Variants in PEA15 observed in about 807,000 individuals in gnomAD.
The protein encoded by PEA15 is proliferation and apoptosis adaptor protein 15.
For missense variants in PEA15, 77 were observed against 161.3 expected, an observed-to-expected ratio of 0.48 and a Z score of 2.83; for synonymous variants, 60 against 61.8, an observed-to-expected ratio of 0.97 and a Z score of 0.13.
In PEA15 at chr1:160,213,016, C is replaced by A; in HGVS notation, c.173-94C>A. 1 of 1,267,348 alleles carries A rather than the reference C, an allele frequency of 7.9e-7. No homozygotes were observed. Among genetic ancestry groups the A allele is most frequent in the Non-Finnish European group, 1.1e-6 (1 of 874,498 alleles). 78.5% of individuals were successfully genotyped at this position (1,267,348 alleles called of 1,614,324 possible). ...TGTACCCTCCCATAACCAATGTCAGCAACTCAGCTTTGGTTCCAGGTCACT... is the reference window on the plus strand; with the variant it reads ...TGTACCCTCCCATAACCAATGTCAGAAACTCAGCTTTGGTTCCAGGTCACT... On this transcript the variant is annotated intron_variant, in intron 2 of 3. Coordinates refer to ENST00000360472, the MANE Select transcript of PEA15 (RefSeq NM_003768.5). The surrounding 1 kb of genome is among the most constrained non-coding windows in gnomAD (Gnocchi z 5.3).
In PEA15 at chr1:160,205,620, GGAGTGTGGGGACCCCGGAC is replaced by G. The variant is rs1654536324; in HGVS notation, c.-3+103_-3+121del. ...ATCTGGGACACCGGGGGCCAGACGG[GGAGTGTGGGGACCCCGGAC>G]GAGTCCACTTTGTGTCAGGCCTCAC... On this transcript the variant is annotated intron_variant, in intron 1 of 3. Coordinates refer to ENST00000360472, the MANE Select transcript of PEA15 (RefSeq NM_003768.5). This position sits in a 1 kb window ranked among gnomAD's most constrained non-coding sequence, Gnocchi z 5.9. 6.5e-6 allele frequency: 1 copy of G among 152,728 alleles called. No individual in the cohort carries two copies. The highest frequency in any genetic ancestry group is 2.4e-5 in the African/African-American group (1 of 41,468). The allele number at this position is 152,728 out of a possible 1,614,324, so 9.5% of individuals were successfully genotyped here.
chr1:160,213,613 T>G lies in PEA15; in HGVS notation c.*127T>G. The G allele has an allele frequency of 1.8e-6, 1 of 570,274 alleles. No individual in the cohort carries two copies. The highest frequency in any genetic ancestry group is 1.6e-5 in the South Asian group (1 of 60,852). The allele number at this position is 570,274 out of a possible 1,614,324, so 35.3% of individuals were successfully genotyped here. On this transcript the variant is annotated 3_prime_UTR_variant, in exon 4 of 4. Transcript: ENST00000360472. The surrounding 1 kb of genome is among the most constrained non-coding windows in gnomAD (Gnocchi z 5.3). ...ACTAACCTGGTCCTAACCCCCTTAC[T>G]GTGCGCGTGTGTGTGCGTGTGCGCA... is the stretch of plus-strand genomic sequence containing the variant.
rs574194984 is a variant in PEA15, at chr1:160,211,276, A to AG, written c.-2-262dup. On this transcript the variant is annotated intron_variant, in intron 1 of 3. Coordinates refer to ENST00000360472, the MANE Select transcript of PEA15 (RefSeq NM_003768.5). ...GAACTGTTGCCAGGGTTACTGTTAG[A>AG]GGGGGAAAACAGAAGAAAAAGATGG... 4.2e-3 allele frequency: 4,759 copies of AG among 1,135,622 alleles called. 18 individuals carry two copies. Among genetic ancestry groups the AG allele is most frequent in the Non-Finnish European group, 4.7e-3 (4,307 of 925,770 alleles). 70.3% of individuals were successfully genotyped at this position (1,135,622 alleles called of 1,614,324 possible).
rs1283141235 is a variant in PEA15 at position 160,208,380 on chromosome 1, A to G, written c.-3+2858A>G. ...GGTGTGAGGAAGCGGTGAGCCTAGC[A>G]CAGAAAGCTGGGAGGGAAGAGGACT... is the stretch of plus-strand genomic sequence containing the variant. On this transcript the variant is annotated intron_variant, in intron 1 of 3. Transcript: ENST00000360472. This position sits in a 1 kb window ranked among gnomAD's most constrained non-coding sequence, Gnocchi z 4.1. The G allele has an allele frequency of 1.8e-6, 1 of 568,488 alleles. No homozygotes were observed. The highest frequency in any genetic ancestry group is 3.1e-6 in the Non-Finnish European group (1 of 317,610). The allele number at this position is 568,488 out of a possible 1,614,324, so 35.2% of individuals were successfully genotyped here. A position where few individuals can be genotyped will look rare whatever the true frequency, so the allele number is the denominator to read the frequency against.
chr1:160,212,050 T>G (rs1654894667), intron 2 of PEA15, among the ~76,000 whole-genome samples: 1 of 152,226 alleles, frequency 6.6e-6, no homozygotes, highest in Non-Finnish European at 1.5e-5. Context: ...ACTCGAAGTG[T>G]AATCTAACTG....
At chr1:160,206,973 T>C (rs1654623754) in intron 1 of PEA15, among the ~76,000 whole-genome samples, 1 of 152,210 alleles carries the variant, frequency 6.6e-6, no homozygotes, top group South Asian at 2.1e-4. Context: ...TGTGGATGTA[T>C]TATCATGCAT....
At chr1:160,209,883 T>C (rs993893101) in intron 1 of PEA15, among the ~76,000 whole-genome samples, 1 of 152,234 alleles carries the variant, frequency 6.6e-6, no homozygotes, top group African/African-American at 2.4e-5. Context: ...CAGAGACAGT[T>C]CCTGGTGCTG....
rs1267718897 is a variant in PEA15, at chr1:160,212,023, A to C, written c.172+307A>C. On this transcript the variant is annotated intron_variant, in intron 2 of 3. Coordinates refer to ENST00000360472, the MANE Select transcript of PEA15 (RefSeq NM_003768.5). ...TTCTAGACAATAAAAATGGAAGAAT[A>C]CCTGAATGAGGGGAGAACTCGAAGT... Among the ~76,000 whole-genome samples the C allele has an allele frequency of 3.3e-5, 5 of 152,378 alleles. No homozygotes were observed. The East Asian group carries it at 9.6e-4, about 29-fold the overall frequency.
chr1:160,210,315 A>G (rs148083111), intron 1 of PEA15, among the ~76,000 whole-genome samples: 2 of 152,376 alleles, frequency 1.3e-5, no homozygotes, highest in African/African-American at 4.8e-5. Context: ...GTCTAGTCGC[A>G]TACAGAGTGT....
intron 1 of PEA15, among the ~76,000 whole-genome samples, chr1:160,210,479 TTCTG>T (rs1460623266): frequency 1.3e-5 from 2 of 152,254 alleles, no homozygotes; most frequent in African/African-American, 4.8e-5. Flanking sequence ...ACCTTCTTTC[TTCTG>T]TCTTAGCCAC....
rs1166443061 is a variant in PEA15 at position 160,213,040 on chromosome 1, C to T, written c.173-70C>T. ...GCAACTCAGCTTTGGTTCCAGGTCA[C>T]TAGTCTGGTGGAGTAGGGGAAGCTG... On this transcript the variant is annotated intron_variant, in intron 2 of 3. Transcript: ENST00000360472. The surrounding 1 kb of genome is among the most constrained non-coding windows in gnomAD (Gnocchi z 5.3). 6.5e-7 allele frequency: 1 copy of T among 1,536,996 alleles called. No individual in the cohort carries two copies. The highest frequency in any genetic ancestry group is 9.0e-7 in the Non-Finnish European group (1 of 1,113,112).
intron 2 of PEA15, among the ~76,000 whole-genome samples, chr1:160,211,971 A>G (rs1429983395): frequency 6.6e-6 from 1 of 152,230 alleles, no homozygotes; most frequent in Non-Finnish European, 1.5e-5. Flanking sequence ...AAATAGTAAA[A>G]TTTTAAGTGG....
rs780369084 is a variant in PEA15 at position 160,213,440 on chromosome 1, C to G, written c.347C>G (p.Ser116Cys). 3 of 1,614,170 alleles carry G rather than the reference C, an allele frequency of 1.9e-6. No homozygotes were observed. The highest frequency in any genetic ancestry group is 1.7e-6 in the Non-Finnish European group (2 of 1,180,040). Residue 116 changes from serine (S) to cysteine (C), a missense_variant, in exon 4 of 4, where the codon TCT becomes TGT. Transcript: ENST00000360472. The surrounding 1 kb of genome is among the most constrained non-coding windows in gnomAD (Gnocchi z 5.3). ...KKYKDIIRQP[S>C]EEEIIKLAPP... Reference sequence around the variant, plus strand: ...CCCCCAGACATTATCCGGCAGCCCTCTGAGGAAGAGATCATCAAATTGGCT... The same window carrying G: ...CCCCCAGACATTATCCGGCAGCCCTGTGAGGAAGAGATCATCAAATTGGCT...
At position 160,214,343 on chromosome 1, in the gene PEA15, C is replaced by T. The variant is rs1655013780; in HGVS notation, c.*857C>T. On this transcript the variant is annotated 3_prime_UTR_variant, in exon 4 of 4. Transcript: ENST00000360472. ...AGGGTCCCAACTTGGTTATTGTAGG[C>T]AACCTTCCCTCTCTCCTTGGTGAAG... is the stretch of plus-strand genomic sequence containing the variant. 6.5e-6 allele frequency: 1 copy of T among 152,672 alleles called. No individual in the cohort carries two copies. The highest frequency in any genetic ancestry group is 2.4e-5 in the African/African-American group (1 of 41,448). 9.5% of individuals were successfully genotyped at this position (152,672 alleles called of 1,614,324 possible).
Position 160,208,744 on chromosome 1 carries a change from C to CT in PEA15, c.-2-2798dup. ...TTTGCTTCTTCTGCCATACTAAGGC[C>CT]TAGGCAAATGGATCTCTCCAAGAAG... On this transcript the variant is annotated intron_variant, in intron 1 of 3. Coordinates refer to ENST00000360472, the MANE Select transcript of PEA15 (RefSeq NM_003768.5). This position sits in a 1 kb window ranked among gnomAD's most constrained non-coding sequence, Gnocchi z 4.1. 8.0e-7 allele frequency: 1 copy of CT among 1,250,092 alleles called. No individual in the cohort carries two copies. The highest frequency in any genetic ancestry group is 2.5e-5 in the East Asian group (1 of 39,540). 77.4% of individuals were successfully genotyped at this position (1,250,092 alleles called of 1,614,324 possible). A position where few individuals can be genotyped will look rare whatever the true frequency, so the allele number is the denominator to read the frequency against.
intron 1 of PEA15, among the ~76,000 whole-genome samples, chr1:160,209,791 C>T (rs1654791877): frequency 6.6e-6 from 1 of 152,158 alleles, no homozygotes. Flanking sequence ...TCACCCGTAC[C>T]CCCCTCCTTC....
chr1:160,207,954 C>T (rs1402886884), intron 1 of PEA15, among the ~76,000 whole-genome samples: 1 of 152,184 alleles, frequency 6.6e-6, no homozygotes, highest in African/African-American at 2.4e-5. Flanking sequence ...TCTGGGATGG[C>T]CCCTCCCCTC....
At chr1:160,206,817 G>C (rs868205577) in intron 1 of PEA15, among the ~76,000 whole-genome samples, 2 of 152,160 alleles carry the variant, frequency 1.3e-5, no homozygotes, top group African/African-American at 2.4e-5. Flanking sequence ...AAAGTGGTAC[G>C]TGTGTCTGGG....
chr1:160,208,874 T>A lies in PEA15; in HGVS notation c.-2-2669T>A. The A allele has an allele frequency of 1.8e-6, 1 of 553,098 alleles. No individual in the cohort carries two copies. The highest frequency in any genetic ancestry group is 3.0e-5 in the East Asian group (1 of 32,858). The allele number at this position is 553,098 out of a possible 1,614,324, so 34.3% of individuals were successfully genotyped here. A position where few individuals can be genotyped will look rare whatever the true frequency, so the allele number is the denominator to read the frequency against. On this transcript the variant is annotated intron_variant, in intron 1 of 3. Coordinates refer to ENST00000360472, the MANE Select transcript of PEA15 (RefSeq NM_003768.5). This position sits in a 1 kb window ranked among gnomAD's most constrained non-coding sequence, Gnocchi z 4.1. Reference sequence around the variant, plus strand: ...CCTACACTCCTCCCATCTAGTGGTGTCATCCTAACGACTGGGGGTGGGGGG... The same window carrying A: ...CCTACACTCCTCCCATCTAGTGGTGACATCCTAACGACTGGGGGTGGGGGG...
Sources: allele counts gnomAD v4.1 joint callset (sites outside exome capture counted in the v4.1 genomes callset), GRCh38; gene constraint gnomAD v4.1.1; non-coding constraint Gnocchi (gnomAD v3.1); transcripts MANE v1.5; gene names NCBI Gene and HGNC (gene_info 2026-07-23, HGNC 2026-07-21).